Variants in KCNIP4 observed in about 807,000 individuals in gnomAD.
KCNIP4 encodes the protein potassium voltage-gated channel interacting protein 4.
In KCNIP4, 12 loss-of-function variants were observed where a neutral mutation model predicts 34.0. That is an observed-to-expected ratio of 0.35 (90% CI 0.23 to 0.57). The LOEUF is 0.57. KCNIP4 is among the 20% of genes least tolerant of loss of function. The pLI is 0.83. For missense variants in KCNIP4, 238 were observed against 311.7 expected (o/e 0.76, Z 1.78); for synonymous variants, 124 against 102.2 (o/e 1.21, Z -1.29).
At chr4:20,841,794 C>T (rs1719752108) in intron 3 of KCNIP4, among the ~76,000 whole-genome samples, 1 of 151,872 alleles carries the variant, frequency 6.6e-6, no homozygotes, top group African/African-American at 2.4e-5. Context: ...CTTTTAAAAA[C>T]TGGTAGTTCC....
At chr4:21,098,780 AT>A (rs1173458514) in intron 1 of KCNIP4, among the ~76,000 whole-genome samples, 2 of 152,214 alleles carry the variant, frequency 1.3e-5, no homozygotes, top group Non-Finnish European at 2.9e-5. Context: ...TCAATGAATA[AT>A]TTTGATTTTC....
intron 1 of KCNIP4, among the ~76,000 whole-genome samples, chr4:20,888,604 C>G (rs368369299): frequency 1.1e-4 from 17 of 152,142 alleles, no homozygotes; most frequent in African/African-American, 3.9e-4. Context: ...AGGACATTTA[C>G]CCTCACAGAG....
At chr4:21,346,945 T>C (rs773719901) in intron 1 of KCNIP4, among the ~76,000 whole-genome samples, 3 of 152,204 alleles carry the variant, frequency 2.0e-5, no homozygotes, top group Non-Finnish European at 4.4e-5. Flanking sequence ...TTCATACTTC[T>C]AGACTTAAAC....
chr4:21,295,333 A>C lies in KCNIP4; in HGVS notation c.62-412624T>G, dbSNP rs537649670. On this transcript the variant is annotated intron_variant, in intron 1 of 8. Transcript: ENST00000382152. ...AGCAAAGAGGTGTCTTGGAGTAGGC[A>C]GCTATGGTACAGAAACAATATCAGG... 2.5e-3 allele frequency among the ~76,000 whole-genome samples: 377 copies of C among 152,298 alleles called. 3 individuals carry two copies. The highest frequency in any genetic ancestry group is 1.9e-3 in the Non-Finnish European group (127 of 68,026).
chr4:21,478,114 A>T (rs1434245733), intron 1 of KCNIP4, among the ~76,000 whole-genome samples: 1 of 152,074 alleles, frequency 6.6e-6, no homozygotes, highest in Non-Finnish European at 1.5e-5. Flanking sequence ...TTTATTTTTT[A>T]AAAAATCTTT....
intron 1 of KCNIP4, among the ~76,000 whole-genome samples, chr4:21,121,646 C>T (rs1265307657): frequency 6.6e-6 from 1 of 152,224 alleles, no homozygotes; most frequent in Non-Finnish European, 1.5e-5. Flanking sequence ...GTCGGAACTA[C>T]ATATTTCTCA....
chr4:20,762,973 A>T (rs906588054), intron 3 of KCNIP4, among the ~76,000 whole-genome samples: 11 of 152,108 alleles, frequency 7.2e-5, no homozygotes, highest in Admixed American at 6.5e-4. Context: ...AGAAGTGCTG[A>T]GTGAAAGGCA....
At chr4:20,808,934 T>A (rs1715404177) in intron 3 of KCNIP4, among the ~76,000 whole-genome samples, 1 of 152,186 alleles carries the variant, frequency 6.6e-6, no homozygotes, top group South Asian at 2.1e-4. Context: ...CATAACCGTT[T>A]ACTTAGTTGT....
intron 1 of KCNIP4, among the ~76,000 whole-genome samples, chr4:21,372,804 G>A (rs1326284327): frequency 1.4e-5 from 2 of 145,780 alleles, no homozygotes; most frequent in Non-Finnish European, 2.9e-5. Flanking sequence ...ACTAGATCAG[G>A]CAGTTTTTGT....
chr4:21,219,083 C>T (rs539990994), intron 1 of KCNIP4, among the ~76,000 whole-genome samples: 3 of 151,834 alleles, frequency 2.0e-5, no homozygotes, highest in South Asian at 4.2e-4. Flanking sequence ...CTTAAATGAC[C>T]ACAAAAGCAA....
chr4:20,844,884 T>G (rs1173626140), intron 3 of KCNIP4, among the ~76,000 whole-genome samples: 1 of 152,100 alleles, frequency 6.6e-6, no homozygotes, highest in Non-Finnish European at 1.5e-5. Flanking sequence ...TCAAAACTCT[T>G]GCAGAAATGA....
chr4:21,531,346 C>CCTCTCCCT (rs1340118790), intron 1 of KCNIP4, among the ~76,000 whole-genome samples: 1 of 89,680 alleles, frequency 1.1e-5, no homozygotes, highest in Non-Finnish European at 2.2e-5. Flanking sequence ...CCTTCCCCTC[C>CCTCTCCCT]CCCTCCCTCC....
chr4:20,734,478 A>G (rs1162276684), intron 6 of KCNIP4, 150 bp downstream of exon 6: 1 of 444,636 alleles, frequency 2.2e-6, no homozygotes, highest in African/African-American at 2.1e-5. Context: ...TTCTATCCCA[A>G]GTTTTTAATT....
intron 1 of KCNIP4, among the ~76,000 whole-genome samples, chr4:21,870,105 G>A (rs1377159480): frequency 6.6e-6 from 1 of 152,078 alleles, no homozygotes; most frequent in African/African-American, 2.4e-5. Flanking sequence ...GAAGCCCAGT[G>A]GACTCTAGGT....
chr4:21,384,986 C>T (rs1361899526), intron 1 of KCNIP4, among the ~76,000 whole-genome samples: 1 of 152,142 alleles, frequency 6.6e-6, no homozygotes, highest in Non-Finnish European at 1.5e-5. Flanking sequence ...CAGATTGCCT[C>T]CCTTATTGAT....
In KCNIP4 at chr4:21,135,829, T is replaced by G. The variant is rs141666434; in HGVS notation, c.62-253120A>C. Among the ~76,000 whole-genome samples, 6 of 152,278 alleles carry G rather than the reference T, an allele frequency of 3.9e-5. No homozygotes were observed. In the South Asian group the frequency reaches 1.2e-3, roughly 32 times the overall value. On this transcript the variant is annotated intron_variant, in intron 1 of 8. Coordinates refer to ENST00000382152, the MANE Select transcript of KCNIP4 (RefSeq NM_025221.6). The stretch of plus-strand genomic sequence containing the variant: ...CCTTGGGTCAGCTCTTGAATATCCT[T>G]GAGCTCCACGTCCCTATTTTGAAAT...
intron 1 of KCNIP4, among the ~76,000 whole-genome samples, chr4:21,574,133 A>T (rs889419354): frequency 6.6e-6 from 1 of 152,164 alleles, no homozygotes; most frequent in African/African-American, 2.4e-5. Context: ...TTATGGGCAG[A>T]AATTTTCTTG....
intron 1 of KCNIP4, among the ~76,000 whole-genome samples, chr4:21,423,974 A>C: frequency 6.9e-6 from 1 of 144,992 alleles, no homozygotes; most frequent in African/African-American, 2.5e-5. Context: ...TGCCCGGCCA[A>C]TTTTTTTTTT....
At chr4:21,188,961 T>C (rs1444128411) in intron 1 of KCNIP4, among the ~76,000 whole-genome samples, 1 of 152,170 alleles carries the variant, frequency 6.6e-6, no homozygotes, top group Non-Finnish European at 1.5e-5. Context: ...GCTGTAGAGT[T>C]AGAAAGTCCT....
Sources: gnomAD v4.1 joint callset for allele counts (sites outside exome capture counted in the v4.1 genomes callset) on GRCh38, gnomAD v4.1.1 for gene constraint, MANE v1.5 for transcripts, NCBI Gene and HGNC (gene_info 2026-07-23, HGNC 2026-07-21) for gene names.